GALNT5: variants seen among roughly 807,000 people sequenced by gnomAD.
GALNT5 encodes the protein UDP-GalNAc:polypeptide N-acetylgalactosaminyltransferase 5.
In GALNT5, 72 loss-of-function variants were observed where a neutral mutation model predicts 85.4. That is an observed-to-expected ratio of 0.84 (90% confidence interval 0.70 to 1.03). The LOEUF (loss-of-function observed/expected upper bound fraction) is 1.03. Among genes scored for constraint, GALNT5 ranks in the 50% least tolerant of loss-of-function variants. The probability of loss-of-function intolerance (pLI) is 0.00; values close to 1 mark genes in which losing one functional copy is unlikely to be tolerated. For synonymous variants in GALNT5, 404 were observed against 397.0 expected (o/e 1.02, Z -0.21); for missense variants, 1,137 against 1,135.5 (o/e 1.00, Z -0.02).
In GALNT5 at chr2:157,258,375, T is replaced by C; in HGVS notation, c.293T>C (p.Val98Ala). The C allele has an allele frequency of 1.2e-6, 2 of 1,610,200 alleles. No individual in the cohort carries two copies. Among genetic ancestry groups the C allele is most frequent in the South Asian group, 1.1e-5 (1 of 90,532 alleles). ...AATGTTAGAAAAACTGAGGAGAGTG[T>C]GCTCAAGGTTGAGGTGGACTTGGAC... ...KENVRKTEES[V>A]LKVEVDLDQT... is the part of the protein sequence containing the mutation. Residue 98 changes from valine (V) to alanine (A), a missense_variant, in exon 1 of 10, where the codon GTG (valine) becomes GCG (alanine). Val to Ala is a moderately conservative substitution (Grantham distance 64). Transcript: ENST00000259056.
Position 157,293,096 on chromosome 2 carries a change from G to A in GALNT5, c.1742-2567G>A, listed in dbSNP as rs1683133875. Reference sequence around the variant, plus strand: ...TACATGACTCTGTGAGTCTTCCCATGACAGGGGAGACAGCTGTCCCAAAGG... The same window carrying A: ...TACATGACTCTGTGAGTCTTCCCATAACAGGGGAGACAGCTGTCCCAAAGG... On this transcript the variant is annotated intron_variant, in intron 3 of 9. Transcript: ENST00000259056. Among the ~76,000 whole-genome samples the A allele has an allele frequency of 3.9e-5, 6 of 152,242 alleles. No homozygotes were observed. In the South Asian group the frequency reaches 1.2e-3, roughly 32 times the overall value.
At chr2:157,307,351 C>G (rs561331097) in intron 8 of GALNT5, among the ~76,000 whole-genome samples, 5 of 152,284 alleles carry the variant, frequency 3.3e-5, no homozygotes, top group African/African-American at 1.2e-4. Flanking sequence ...AAGAATAAGA[C>G]CCTTAGATTG....
At chr2:157,285,175 TG>T (rs1307055471) in intron 2 of GALNT5, among the ~76,000 whole-genome samples, 2 of 152,102 alleles carry the variant, frequency 1.3e-5, no homozygotes, top group Admixed American at 6.5e-5. Context: ...CACAGCAACA[TG>T]GGAAGTTTCT....
At chr2:157,302,182 G>T (rs1034653854) in intron 7 of GALNT5, 1 of 151,822 alleles carries the variant, frequency 6.6e-6, no homozygotes, top group Non-Finnish European at 1.5e-5. Context: ...TAGTTATCCC[G>T]CCCTTTTAGG....
chr2:157,280,323 T>C (rs920140823), intron 1 of GALNT5, among the ~76,000 whole-genome samples: 2 of 152,122 alleles, frequency 1.3e-5, no homozygotes, highest in Non-Finnish European at 2.9e-5. Context: ...TGTATCCTTA[T>C]AAAAGAGAGC....
At chr2:157,287,302 A>G (rs1329434893) in intron 3 of GALNT5, among the ~76,000 whole-genome samples, 2 of 152,146 alleles carry the variant, frequency 1.3e-5, no homozygotes, top group East Asian at 1.9e-4. Flanking sequence ...TACACTGAGG[A>G]CTGAAAATTT....
chr2:157,281,886 G>A (rs1259007711), intron 1 of GALNT5, among the ~76,000 whole-genome samples: 1 of 152,152 alleles, frequency 6.6e-6, no homozygotes. Context: ...CAAGCAAAAT[G>A]TTGAAGGTGC....
intron 8 of GALNT5, among the ~76,000 whole-genome samples, chr2:157,307,625 G>A (rs1263011402): frequency 1.3e-5 from 2 of 152,104 alleles, no homozygotes; most frequent in African/African-American, 2.4e-5. Context: ...CAGCTGATGC[G>A]GATGTTGGTC....
chr2:157,260,876 C>T (rs1254202259), intron 1 of GALNT5, among the ~76,000 whole-genome samples: 4 of 152,144 alleles, frequency 2.6e-5, no homozygotes, highest in African/African-American at 9.7e-5. Flanking sequence ...CGCTTCTCAC[C>T]CTGGTGATAA....
intron 3 of GALNT5, among the ~76,000 whole-genome samples, chr2:157,294,445 C>T (rs764582049): frequency 3.3e-5 from 5 of 152,146 alleles, no homozygotes; most frequent in Non-Finnish European, 7.4e-5. Context: ...GAGTCAGAGT[C>T]GAGCAAAGTG....
At chr2:157,285,618 T>C (rs1004843122) in intron 2 of GALNT5, among the ~76,000 whole-genome samples, 4 of 152,086 alleles carry the variant, frequency 2.6e-5, no homozygotes, top group Non-Finnish European at 5.9e-5. Context: ...TTTGCACACA[T>C]TGTTTAGCCT....
At position 157,309,028 on chromosome 2, in the gene GALNT5, G is replaced by A. The variant is rs2305964; in HGVS notation, c.2682+300G>A. Among the ~76,000 whole-genome samples, 779 of 152,272 alleles carry A rather than the reference G, an allele frequency of 5.1e-3. 23 individuals carry two copies. In the East Asian group the frequency reaches 0.092, roughly 18 times the overall value. ...AACAACACCGAAAGTCAGGCTTAAA[G>A]GCTAGAACTGGTCCCCACTGGTCAT... On this transcript the variant is annotated intron_variant, in intron 9 of 9. Coordinates refer to ENST00000259056, the MANE Select transcript of GALNT5 (RefSeq NM_014568.3).
rs1683643339 is a variant in GALNT5 at position 157,314,162 on chromosome 2, A to C, written c.*2814A>C. 6.6e-6 allele frequency: 1 copy of C among 151,908 alleles called. No homozygotes were observed. Among genetic ancestry groups the C allele is most frequent in the Admixed American group, 6.6e-5 (1 of 15,246 alleles). The allele number at this position is 151,908 out of a possible 1,614,324, so 9.4% of individuals were successfully genotyped here. Reference sequence around the variant, plus strand: ...ATTCTTCAATAGGAGGCTGTGTTACAGGAGCTACAGATTTTTCCCTGGATT... The same window carrying C: ...ATTCTTCAATAGGAGGCTGTGTTACCGGAGCTACAGATTTTTCCCTGGATT... On this transcript the variant is annotated 3_prime_UTR_variant, in exon 10 of 10. Coordinates refer to ENST00000259056, the MANE Select transcript of GALNT5 (RefSeq NM_014568.3).
Position 157,315,958 on chromosome 2 carries a change from A to G in GALNT5, c.*4610A>G, listed in dbSNP as rs1242227313. On this transcript the variant is annotated 3_prime_UTR_variant, in exon 10 of 10. Coordinates refer to ENST00000259056, the MANE Select transcript of GALNT5 (RefSeq NM_014568.3). Reference sequence around the variant, plus strand: ...TTTGGGGCAAGATTTGATTGATTTCATACAGAGGCTTGAGGAGGCGGTGAT... The same window carrying G: ...TTTGGGGCAAGATTTGATTGATTTCGTACAGAGGCTTGAGGAGGCGGTGAT... Among the ~76,000 whole-genome samples the G allele has an allele frequency of 1.3e-5, 2 of 152,180 alleles. No individual in the cohort carries two copies. Among genetic ancestry groups the G allele is most frequent in the Non-Finnish European group, 2.9e-5 (2 of 68,026 alleles).
At chr2:157,309,055 A>T (rs761589740) in intron 9 of GALNT5, among the ~76,000 whole-genome samples, 13 of 152,188 alleles carry the variant, frequency 8.5e-5, no homozygotes, top group Non-Finnish European at 1.5e-4. Flanking sequence ...ACTGGTCATC[A>T]GTAATGCTTA....
chr2:157,262,291 G>A (rs1269373410), intron 1 of GALNT5, among the ~76,000 whole-genome samples: 1 of 151,574 alleles, frequency 6.6e-6, no homozygotes, highest in Non-Finnish European at 1.5e-5. Context: ...CTAGTCGGTA[G>A]TTAACATCAT....
chr2:157,300,976 C>T lies in GALNT5; in HGVS notation c.2416C>T (p.Pro806Ser). The T allele has an allele frequency of 1.2e-6, 2 of 1,613,436 alleles. No homozygotes were observed. Among genetic ancestry groups the T allele is most frequent in the Admixed American group, 3.3e-5 (2 of 60,012 alleles). The part of the protein sequence containing the change: ...LENVFPDLRA[P>S]IVRASGVLIN... ...GAATGTCTTTCCTGACTTAAGGGCT[C>T]CCATTGTGAGAGCTAGTGGTGTGGT... The change falls in exon 7 of 10, where the codon CCC (proline) becomes TCC (serine). Residue 806 changes from proline to serine, a missense_variant. Pro to Ser is a moderately conservative substitution (Grantham distance 74). Coordinates refer to ENST00000259056, the MANE Select transcript of GALNT5 (RefSeq NM_014568.3).
intron 7 of GALNT5, among the ~76,000 whole-genome samples, chr2:157,303,890 A>G (rs1683400067): frequency 6.6e-6 from 1 of 152,206 alleles, no homozygotes; most frequent in Admixed American, 6.5e-5. Flanking sequence ...GTGCTGTCTC[A>G]GGGTTCCATG....
chr2:157,301,831 G>A (rs1683349743), intron 7 of GALNT5, among the ~76,000 whole-genome samples: 1 of 152,208 alleles, frequency 6.6e-6, no homozygotes, highest in Admixed American at 6.5e-5. Flanking sequence ...TCAGAGAATA[G>A]CAGATAACAT....
Sources: allele counts gnomAD v4.1 joint callset (sites outside exome capture counted in the v4.1 genomes callset), GRCh38; gene constraint gnomAD v4.1.1; transcripts MANE v1.5; gene names NCBI Gene and HGNC (gene_info 2026-07-23, HGNC 2026-07-21).